CTDSPL: variants seen among roughly 807,000 people sequenced by gnomAD.
The protein encoded by CTDSPL is CTD small phosphatase-like protein.
CTDSPL carries 8 observed loss-of-function variants against 30.5 expected under a neutral mutation model. That is an observed-to-expected ratio of 0.26 (90% CI 0.15 to 0.47). CTDSPL has a LOEUF of 0.47. CTDSPL is among the 20% of genes least tolerant of loss of function. The pLI is 0.99. For missense variants in CTDSPL, 248 were observed against 366.1 expected (o/e 0.68, Z 2.63); for synonymous variants, 110 against 137.9 (o/e 0.80, Z 1.42).
intron 1 of CTDSPL, among the ~76,000 whole-genome samples, chr3:37,894,173 CT>C (rs1204730201): frequency 2.0e-5 from 3 of 152,150 alleles, no homozygotes; most frequent in Non-Finnish European, 4.4e-5. Context: ...CCTTGAACTC[CT>C]GGGCTCAAGT....
intron 7 of CTDSPL, among the ~76,000 whole-genome samples, chr3:37,977,360 T>C (rs1443082274): frequency 6.6e-6 from 1 of 152,190 alleles, no homozygotes. Flanking sequence ...CTATGTCTCT[T>C]CATTCTTTTG....
intron 1 of CTDSPL, among the ~76,000 whole-genome samples, chr3:37,946,795 C>T (rs1425824616): frequency 1.3e-5 from 2 of 152,214 alleles, no homozygotes; most frequent in East Asian, 3.9e-4. Flanking sequence ...AAGCAGGCAG[C>T]CCCTGCTGGG....
chr3:37,929,240 A>G (rs1247011230), intron 1 of CTDSPL, among the ~76,000 whole-genome samples: 2 of 152,092 alleles, frequency 1.3e-5, no homozygotes, highest in Admixed American at 6.6e-5. Context: ...GTTCTTTATC[A>G]TGATTGTTTT....
chr3:37,982,793 T>A lies in CTDSPL; in HGVS notation c.*1926T>A. 1 of 371,148 alleles carries A rather than the reference T, an allele frequency of 2.7e-6. No individual in the cohort carries two copies. Among genetic ancestry groups the A allele is most frequent in the Non-Finnish European group, 5.4e-6 (1 of 186,516 alleles). The allele number at this position is 371,148 out of a possible 1,614,324, so 23.0% of individuals were successfully genotyped here. ...TAGAACTGCCCATGCCACAAATATTTATTTGGAAAAGTAGTCATTAAATGA... is the reference window on the plus strand; with the variant it reads ...TAGAACTGCCCATGCCACAAATATTAATTTGGAAAAGTAGTCATTAAATGA... On this transcript the variant is annotated 3_prime_UTR_variant, in exon 8 of 8. Transcript: ENST00000273179.
At chr3:37,976,036 C>G in intron 7 of CTDSPL, 142 bp downstream of exon 7, 1 of 886,552 alleles carries the variant, frequency 1.1e-6, no homozygotes, top group Non-Finnish European at 1.7e-6. Context: ...TTAGCAGTTG[C>G]GTGTCATTGA....
chr3:37,876,258 TA>T (rs1387248747), intron 1 of CTDSPL, among the ~76,000 whole-genome samples: 1 of 151,818 alleles, frequency 6.6e-6, no homozygotes, highest in Non-Finnish European at 1.5e-5. Context: ...AAAAAAAAAT[TA>T]AGGTAAATTT....
intron 1 of CTDSPL, among the ~76,000 whole-genome samples, chr3:37,885,938 CAAAA>C (rs1207986027): frequency 2.0e-5 from 3 of 152,124 alleles, no homozygotes; most frequent in African/African-American, 7.2e-5. Context: ...AACAAGTAAA[CAAAA>C]GAAGCGTAAG....
At chr3:37,963,247 C>T (rs2125630088) in intron 3 of CTDSPL, among the ~76,000 whole-genome samples, 1 of 152,324 alleles carries the variant, frequency 6.6e-6, no homozygotes, top group Non-Finnish European at 1.5e-5. Flanking sequence ...CACACGTAGC[C>T]TCTTCCTGGG....
At chr3:37,872,838 G>T (rs1698092026) in intron 1 of CTDSPL, among the ~76,000 whole-genome samples, 1 of 152,114 alleles carries the variant, frequency 6.6e-6, no homozygotes, top group Non-Finnish European at 1.5e-5. Context: ...CTCCCAAAGT[G>T]CTGGGATTAT....
intron 3 of CTDSPL, among the ~76,000 whole-genome samples, chr3:37,962,823 GAA>G (rs1174005620): frequency 6.6e-6 from 1 of 152,186 alleles, no homozygotes; most frequent in Non-Finnish European, 1.5e-5. Context: ...TTTACAATGA[GAA>G]TGTGTTTTAT....
intron 1 of CTDSPL, among the ~76,000 whole-genome samples, chr3:37,891,902 G>T (rs990060471): frequency 6.6e-6 from 1 of 151,328 alleles, no homozygotes; most frequent in Non-Finnish European, 1.5e-5. Context: ...GTACATACAT[G>T]TACACACATA....
chr3:37,921,944 C>G (rs1300369609), intron 1 of CTDSPL, among the ~76,000 whole-genome samples: 1 of 152,136 alleles, frequency 6.6e-6, no homozygotes, highest in African/African-American at 2.4e-5. Flanking sequence ...CAAAGAGTAC[C>G]CACATAGGGC....
At chr3:37,919,998 T>C (rs888746841) in intron 1 of CTDSPL, among the ~76,000 whole-genome samples, 22 of 152,122 alleles carry the variant, frequency 1.4e-4, no homozygotes, top group Non-Finnish European at 2.9e-4. Context: ...TTGCTTCCTA[T>C]ATATGCTATA....
intron 4 of CTDSPL, among the ~76,000 whole-genome samples, chr3:37,967,310 G>A (rs1039510594): frequency 1.3e-5 from 2 of 152,254 alleles, no homozygotes; most frequent in East Asian, 1.9e-4. Context: ...TGTGGCCTGC[G>A]GCCTCTGACT....
At chr3:37,925,161 C>G (rs985457666) in intron 1 of CTDSPL, among the ~76,000 whole-genome samples, 3 of 152,156 alleles carry the variant, frequency 2.0e-5, no homozygotes, top group Non-Finnish European at 4.4e-5. Flanking sequence ...CCTCTCTCCC[C>G]ACAACAGAAG....
intron 1 of CTDSPL, among the ~76,000 whole-genome samples, chr3:37,886,381 T>C (rs1698263586): frequency 6.6e-6 from 1 of 152,146 alleles, no homozygotes. Context: ...CACTAGGATG[T>C]CTGCCCTATC....
chr3:37,945,701 G>T (rs1468138772), intron 1 of CTDSPL, among the ~76,000 whole-genome samples: 1 of 152,200 alleles, frequency 6.6e-6, no homozygotes, highest in Non-Finnish European at 1.5e-5. Flanking sequence ...CTTTCTCAGA[G>T]ATTTATGGTT....
intron 2 of CTDSPL, among the ~76,000 whole-genome samples, chr3:37,950,792 G>A (rs1238043101): frequency 1.3e-5 from 2 of 152,102 alleles, no homozygotes; most frequent in African/African-American, 4.8e-5. Context: ...GAAGTTTAAG[G>A]ACAAAGAGAA....
intron 1 of CTDSPL, among the ~76,000 whole-genome samples, chr3:37,910,051 T>G (rs1398986087): frequency 6.6e-6 from 1 of 152,194 alleles, no homozygotes; most frequent in African/African-American, 2.4e-5. Flanking sequence ...TATGCTTCAA[T>G]TTTCTCATCT....
Sources: gnomAD v4.1 joint callset for allele counts (sites outside exome capture counted in the v4.1 genomes callset) on GRCh38, gnomAD v4.1.1 for gene constraint, MANE v1.5 for transcripts, NCBI Gene and HGNC (gene_info 2026-07-23, HGNC 2026-07-21) for gene names.